Variants in ALK observed in about 807,000 individuals in gnomAD.
ALK encodes ALK tyrosine kinase receptor.
ALK carries 74 observed loss-of-function variants against 163.1 expected under a neutral mutation model. The ratio of observed to expected loss-of-function variants is 0.45; its 90% CI spans 0.38 to 0.55. The LOEUF (loss-of-function observed/expected upper bound fraction) is 0.55, where lower values mean the gene tolerates loss of function less well. Among genes scored for constraint, ALK ranks in the 20% least tolerant of loss-of-function variants. The probability of loss-of-function intolerance (pLI) is 0.00; values close to 1 mark genes in which losing one functional copy is unlikely to be tolerated. For missense variants in ALK, 2,063 were observed against 2,105.3 expected, an observed-to-expected ratio of 0.98 and a Z score of 0.39; for synonymous variants, 960 against 843.2, an observed-to-expected ratio of 1.14 and a Z score of -2.40.
chr2:29,424,762 A>G (rs577082496), intron 4 of ALK, among the ~76,000 whole-genome samples: 7 of 152,236 alleles, frequency 4.6e-5, no homozygotes, highest in Admixed American at 1.3e-4. Context: ...TGGAGTTGAG[A>G]GAAAGACACT....
chr2:29,228,650 A>G (rs1664086151), intron 16 of ALK, among the ~76,000 whole-genome samples: 1 of 151,940 alleles, frequency 6.6e-6, no homozygotes, highest in Non-Finnish European at 1.5e-5. Context: ...GGGGACATCA[A>G]GAATCACATG....
intron 1 of ALK, among the ~76,000 whole-genome samples, chr2:29,824,835 T>C (rs760304093): frequency 2.6e-4 from 40 of 152,158 alleles, no homozygotes; most frequent in Non-Finnish European, 4.0e-4. Flanking sequence ...GATTAAGATT[T>C]TGGGGGATGG....
chr2:29,906,058 C>T (rs187845489), intron 1 of ALK, among the ~76,000 whole-genome samples: 8 of 152,208 alleles, frequency 5.3e-5, no homozygotes, highest in African/African-American at 1.2e-4. Flanking sequence ...TCAAGGGCCT[C>T]GCTATAGAGG....
At position 29,560,652 on chromosome 2, in the gene ALK, G is replaced by A. The variant is rs577501796; in HGVS notation, c.953-28536C>T. ...AGTGGCATAATTTCGGCTCACTGCAGCCTTGACCTTCCAGATTCAAACTAT... is the reference window on the plus strand; with the variant it reads ...AGTGGCATAATTTCGGCTCACTGCAACCTTGACCTTCCAGATTCAAACTAT... On this transcript the variant is annotated intron_variant, in intron 3 of 28. Transcript: ENST00000389048. Among the ~76,000 whole-genome samples, 22 of 151,492 alleles carry A rather than the reference G, an allele frequency of 1.5e-4. 1 individual carries two copies. The South Asian group carries it at 4.6e-3, about 32-fold the overall frequency.
chr2:29,395,508 T>G (rs952616520), intron 4 of ALK, among the ~76,000 whole-genome samples: 1 of 152,192 alleles, frequency 6.6e-6, no homozygotes, highest in African/African-American at 2.4e-5. Flanking sequence ...TATGGCACCT[T>G]AGCATGATGG....
intron 1 of ALK, among the ~76,000 whole-genome samples, chr2:29,732,633 T>A (rs1318170188): frequency 6.6e-6 from 1 of 152,176 alleles, no homozygotes; most frequent in Non-Finnish European, 1.5e-5. Flanking sequence ...CACTCCCCAG[T>A]GTGATGGTAT....
intron 26 of ALK, among the ~76,000 whole-genome samples, chr2:29,202,594 CTG>C (rs757398729): frequency 1.2e-4 from 19 of 152,356 alleles, no homozygotes; most frequent in South Asian, 1.2e-3. Flanking sequence ...GCAAACGATA[CTG>C]TGTTATAGAC....
intron 3 of ALK, among the ~76,000 whole-genome samples, chr2:29,544,573 G>A (rs1318192346): frequency 6.6e-6 from 1 of 151,762 alleles, no homozygotes; most frequent in Non-Finnish European, 1.5e-5. Flanking sequence ...AAGAAATCAT[G>A]GAAAAAAAGG....
At chr2:29,582,282 T>A (rs1674725117) in intron 3 of ALK, among the ~76,000 whole-genome samples, 1 of 152,194 alleles carries the variant, frequency 6.6e-6, no homozygotes, top group Non-Finnish European at 1.5e-5. Context: ...ATTTGAATAG[T>A]ACTCAGAAAC....
chr2:29,758,860 C>T (rs1680615938), intron 1 of ALK, among the ~76,000 whole-genome samples: 1 of 152,154 alleles, frequency 6.6e-6, no homozygotes, highest in South Asian at 2.1e-4. Flanking sequence ...CTTTCATTCT[C>T]ACCATGTCTT....
intron 5 of ALK, among the ~76,000 whole-genome samples, chr2:29,359,869 C>A (rs894478204): frequency 2.0e-5 from 3 of 152,222 alleles, no homozygotes; most frequent in African/African-American, 7.2e-5. Context: ...GTGCCTAAGA[C>A]TTTTTGGGCT....
In ALK at chr2:29,275,424, G is replaced by A. The variant is rs1278070199; in HGVS notation, c.1890C>T (p.Ile630=). 1 of 1,614,170 alleles carries A rather than the reference G, an allele frequency of 6.2e-7. No homozygotes were observed. The highest frequency in any genetic ancestry group is 1.7e-5 in the Admixed American group (1 of 60,024). Residue 630 remains isoleucine (I), a synonymous_variant, in exon 10 of 29, where the codon ATC becomes ATT. Coordinates refer to ENST00000389048, the MANE Select transcript of ALK (RefSeq NM_004304.5). ...CACTGGTGAGGTAGCAGTCCAGGCTGATGGAGATATTGTCAAAAGCCACGA... is the reference window on the plus strand; with the variant it reads ...CACTGGTGAGGTAGCAGTCCAGGCTAATGGAGATATTGTCAAAAGCCACGA... ...RAIVAFDNIS[I]SLDCYLTISG...
At chr2:29,354,662 C>A (rs1400958758) in intron 5 of ALK, among the ~76,000 whole-genome samples, 2 of 152,242 alleles carry the variant, frequency 1.3e-5, no homozygotes, top group Admixed American at 1.3e-4. Flanking sequence ...GATGCTCTCA[C>A]CTCTTTTGAG....
intron 5 of ALK, among the ~76,000 whole-genome samples, chr2:29,372,497 T>C (rs1238192630): frequency 6.6e-6 from 1 of 152,254 alleles, no homozygotes; most frequent in Non-Finnish European, 1.5e-5. Flanking sequence ...ATCTGCAATT[T>C]GGACACAGGG....
At chr2:29,237,068 T>C (rs1022639743) in intron 13 of ALK, among the ~76,000 whole-genome samples, 1 of 152,352 alleles carries the variant, frequency 6.6e-6, no homozygotes. Context: ...GGCACAATTT[T>C]TGGAGTCATC....
chr2:29,669,245 C>A (rs1045811572), intron 3 of ALK, among the ~76,000 whole-genome samples: 1 of 151,996 alleles, frequency 6.6e-6, no homozygotes, highest in Non-Finnish European at 1.5e-5. Flanking sequence ...CCCTTTAGAT[C>A]TATTAGTGTT....
chr2:29,836,558 A>G (rs763210997), intron 1 of ALK, among the ~76,000 whole-genome samples: 5 of 152,228 alleles, frequency 3.3e-5, no homozygotes, highest in Non-Finnish European at 5.9e-5. Flanking sequence ...ATCCAACTAG[A>G]AGAGAGTTTG....
At chr2:29,551,594 C>T (rs1469656525) in intron 3 of ALK, among the ~76,000 whole-genome samples, 1 of 152,066 alleles carries the variant, frequency 6.6e-6, no homozygotes, top group Non-Finnish European at 1.5e-5. Flanking sequence ...GGACTTACAT[C>T]CTTAACCACC....
At chr2:29,385,032 A>AGAC (rs1668996194) in intron 4 of ALK, among the ~76,000 whole-genome samples, 1 of 151,884 alleles carries the variant, frequency 6.6e-6, no homozygotes, top group Non-Finnish European at 1.5e-5. Flanking sequence ...CTGGCGATAC[A>AGAC]GACTCTTGTC....
Sources: gnomAD v4.1 joint callset for allele counts (sites outside exome capture counted in the v4.1 genomes callset) on GRCh38, gnomAD v4.1.1 for gene constraint, MANE v1.5 for transcripts, NCBI Gene and HGNC (gene_info 2026-07-23, HGNC 2026-07-21) for gene names.